FHOD3: variants seen among roughly 807,000 people sequenced by gnomAD.
The protein encoded by FHOD3 is formin homology 2 domain containing 3.
A neutral mutation model predicts 173.0 loss-of-function variants in FHOD3; 90 were observed. The ratio of observed to expected loss-of-function variants is 0.52; its 90% CI spans 0.44 to 0.62. The LOEUF (loss-of-function observed/expected upper bound fraction) is 0.62. FHOD3 is among the 20% of genes least tolerant of loss of function. The pLI is 0.00. For synonymous variants in FHOD3, 828 were observed against 823.0 expected (o/e 1.01, Z -0.10); for missense variants, 1,945 against 2,034.7 (o/e 0.96, Z 0.85).
intron 3 of FHOD3, among the ~76,000 whole-genome samples, chr18:36,422,678 C>T (rs1157858171): frequency 6.6e-6 from 1 of 152,202 alleles, no homozygotes; most frequent in African/African-American, 2.4e-5. Context: ...GGCTGCTTTT[C>T]TCCAGTGCCC....
At chr18:36,432,533 G>A (rs1295955013) in intron 3 of FHOD3, among the ~76,000 whole-genome samples, 3 of 152,168 alleles carry the variant, frequency 2.0e-5, no homozygotes, top group Non-Finnish European at 2.9e-5. Flanking sequence ...TCTAGAATGG[G>A]CCTCTAATGG....
At chr18:36,706,166 G>C (rs1339076708) in intron 17 of FHOD3, among the ~76,000 whole-genome samples, 2 of 152,196 alleles carry the variant, frequency 1.3e-5, no homozygotes, top group Non-Finnish European at 2.9e-5. Context: ...CCTCCAGCAG[G>C]AGAGGAAGGC....
chr18:36,763,015 G>A (rs571264086), intron 27 of FHOD3, among the ~76,000 whole-genome samples: 4 of 132,332 alleles, frequency 3.0e-5, no homozygotes, highest in Non-Finnish European at 4.9e-5. Context: ...TTATATATGC[G>A]TATTATACAC....
intron 26 of FHOD3, 143 bp downstream of exon 26, chr18:36,759,284 G>A (rs2042769106): frequency 2.2e-6 from 2 of 918,802 alleles, no homozygotes; most frequent in Non-Finnish European, 3.4e-6. Flanking sequence ...TGGTTTTCGT[G>A]TGATCACTAA....
At chr18:36,639,817 T>A (rs944576108) in intron 10 of FHOD3, among the ~76,000 whole-genome samples, 1 of 130,758 alleles carries the variant, frequency 7.6e-6, no homozygotes, top group African/African-American at 3.3e-5. Context: ...ATAAAGTGTT[T>A]TTTTTTTTTT....
At chr18:36,576,629 G>T in intron 6 of FHOD3, 84 bp downstream of exon 6, 1 of 1,049,068 alleles carries the variant, frequency 9.5e-7, no homozygotes, top group Non-Finnish European at 1.4e-6. Context: ...TTTGCAGAAA[G>T]AAATTTTATT....
intron 7 of FHOD3, among the ~76,000 whole-genome samples, chr18:36,598,801 G>A (rs1033429191): frequency 1.3e-5 from 2 of 152,104 alleles, no homozygotes; most frequent in African/African-American, 4.8e-5. Context: ...CACCCGCCTC[G>A]GCCTCCCAAA....
chr18:36,640,506 A>G (rs532112420), intron 10 of FHOD3, among the ~76,000 whole-genome samples: 2 of 152,348 alleles, frequency 1.3e-5, no homozygotes, highest in South Asian at 4.1e-4. Context: ...ATTCAGTAAC[A>G]CAGAAGGCTG....
intron 9 of FHOD3, among the ~76,000 whole-genome samples, chr18:36,617,583 CTGTGTGTG>C (rs763613681): frequency 4.3e-5 from 5 of 116,244 alleles, no homozygotes; most frequent in Admixed American, 2.5e-4. Context: ...TTGTACTTCC[CTGTGTGTG>C]TGTGTGTGTG....
At chr18:36,344,864 CA>C (rs2045805342) in intron 1 of FHOD3, among the ~76,000 whole-genome samples, 1 of 151,950 alleles carries the variant, frequency 6.6e-6, no homozygotes, top group Admixed American at 6.5e-5. Flanking sequence ...CAACACTAAC[CA>C]AAAGAAAGTA....
intron 6 of FHOD3, among the ~76,000 whole-genome samples, chr18:36,584,360 G>A (rs1423647570): frequency 2.6e-5 from 4 of 152,128 alleles, no homozygotes; most frequent in African/African-American, 4.8e-5. Flanking sequence ...AGTGACACTC[G>A]ACATCTTTCC....
intron 3 of FHOD3, among the ~76,000 whole-genome samples, chr18:36,454,541 A>C (rs895065669): frequency 1.3e-5 from 2 of 152,232 alleles, no homozygotes; most frequent in Admixed American, 1.3e-4. Flanking sequence ...CTTGGAACTA[A>C]CAATTACCTT....
intron 7 of FHOD3, among the ~76,000 whole-genome samples, chr18:36,596,403 T>C (rs1308202823): frequency 7.0e-6 from 1 of 142,386 alleles, no homozygotes; most frequent in Non-Finnish European, 1.5e-5. Context: ...CAGCACGGTC[T>C]CAGTCTCCTG....
chr18:36,528,143 G>C (rs745560790), intron 5 of FHOD3, among the ~76,000 whole-genome samples: 1 of 152,162 alleles, frequency 6.6e-6, no homozygotes, highest in African/African-American at 2.4e-5. Context: ...AAAGGAATCA[G>C]CTGGGGATGG....
chr18:36,400,337 G>A (rs573534721), intron 3 of FHOD3, among the ~76,000 whole-genome samples: 2 of 152,260 alleles, frequency 1.3e-5, no homozygotes, highest in African/African-American at 4.8e-5. Context: ...TAGAAACGTT[G>A]TTCTTTCCTG....
At chr18:36,744,752 C>T (rs935729991) in intron 23 of FHOD3, among the ~76,000 whole-genome samples, 1 of 152,238 alleles carries the variant, frequency 6.6e-6, no homozygotes, top group Non-Finnish European at 1.5e-5. Context: ...TTAATATCTT[C>T]ATGAACTTAT....
intron 14 of FHOD3, among the ~76,000 whole-genome samples, chr18:36,678,335 G>A (rs371563393): frequency 8.6e-5 from 13 of 151,960 alleles, no homozygotes; most frequent in East Asian, 3.9e-4. Context: ...CCAAGAGTTC[G>A]AGACCAGCTT....
At chr18:36,747,639 C>G (rs1350267313) in intron 24 of FHOD3, among the ~76,000 whole-genome samples, 1 of 152,212 alleles carries the variant, frequency 6.6e-6, no homozygotes, top group African/African-American at 2.4e-5. Context: ...TGGACCAGCC[C>G]TCCTCAGAGT....
intron 15 of FHOD3, among the ~76,000 whole-genome samples, chr18:36,684,728 C>T (rs969470713): frequency 6.6e-6 from 1 of 152,170 alleles, no homozygotes; most frequent in Non-Finnish European, 1.5e-5. Context: ...TGCGTAATAA[C>T]ATCAAAATGT....
Sources: gnomAD v4.1 joint callset for allele counts (sites outside exome capture counted in the v4.1 genomes callset) on GRCh38, gnomAD v4.1.1 for gene constraint, MANE v1.5 for transcripts, NCBI Gene and HGNC (gene_info 2026-07-23, HGNC 2026-07-21) for gene names.